The following ADGRF5 variants were observed in gnomAD, a reference collection of about 807,000 sequenced individuals.
ADGRF5 encodes the protein adhesion G protein-coupled receptor F5, also known as G-protein coupled receptor 116.
In ADGRF5, 75 loss-of-function variants were observed where a neutral mutation model predicts 132.3. The observed-to-expected ratio is 0.57, with a 90% confidence interval of 0.47 to 0.69. The LOEUF is 0.69. Ranked by LOEUF, ADGRF5 falls within the 30% of genes least tolerant of loss-of-function variation. The pLI is 0.00. For synonymous variants in ADGRF5, 629 were observed against 597.6 expected, an observed-to-expected ratio of 1.05 and a Z score of -0.77; for missense variants, 1,516 against 1,630.6, an observed-to-expected ratio of 0.93 and a Z score of 1.21.
At chr6:46,948,817 A>T (rs1778393278) in intron 1 of ADGRF5, among the ~76,000 whole-genome samples, 1 of 152,148 alleles carries the variant, frequency 6.6e-6, no homozygotes, top group African/African-American at 2.4e-5. Flanking sequence ...AGCCCTCAAG[A>T]CCACATTGAT....
At chr6:46,943,556 C>G in intron 1 of ADGRF5, among the ~76,000 whole-genome samples, 1 of 152,134 alleles carries the variant, frequency 6.6e-6, no homozygotes, top group Non-Finnish European at 1.5e-5. Flanking sequence ...ATCACAGGGT[C>G]TCTGCTGAGT....
chr6:46,916,175 C>T (rs1776400227), intron 1 of ADGRF5, among the ~76,000 whole-genome samples: 2 of 152,226 alleles, frequency 1.3e-5, no homozygotes, highest in South Asian at 4.1e-4. Context: ...CAGCCTCTGA[C>T]CTTTATGGCA....
At chr6:46,870,763 C>T in intron 11 of ADGRF5, 1 of 400,740 alleles carries the variant, frequency 2.5e-6, no homozygotes, top group Non-Finnish European at 5.0e-6. Context: ...AGACAGGTCC[C>T]AGTTTTGTGG....
In ADGRF5 at chr6:46,885,328, C is replaced by T. The variant is rs1772954766; in HGVS notation, c.329-1057G>A. Among the ~76,000 whole-genome samples the T allele has an allele frequency of 2.0e-5, 3 of 152,126 alleles. 1 individual carries two copies. The South Asian group carries it at 6.2e-4, about 32-fold the overall frequency. ...AGATTATTTATAAACTTACAAGAGA[C>T]CCTGAGCCAGAACCACCCAGCTAAG... On this transcript the variant is annotated intron_variant, in intron 4 of 20. Transcript: ENST00000283296.
At chr6:46,927,019 C>T (rs1286149583) in intron 1 of ADGRF5, among the ~76,000 whole-genome samples, 1 of 152,114 alleles carries the variant, frequency 6.6e-6, no homozygotes, top group Non-Finnish European at 1.5e-5. Flanking sequence ...CTGCAAACAT[C>T]AGGCAGAATC....
At chr6:46,899,760 G>C (rs1774557936) in intron 3 of ADGRF5, among the ~76,000 whole-genome samples, 1 of 151,900 alleles carries the variant, frequency 6.6e-6, no homozygotes, top group Non-Finnish European at 1.5e-5. Flanking sequence ...GGGCAGCTGA[G>C]GAGGGAGCCA....
chr6:46,893,906 T>C (rs1449069671), intron 3 of ADGRF5, among the ~76,000 whole-genome samples: 1 of 152,182 alleles, frequency 6.6e-6, no homozygotes, highest in Non-Finnish European at 1.5e-5. Context: ...GGGACATTTC[T>C]GGAAAGTTGG....
intron 11 of ADGRF5, among the ~76,000 whole-genome samples, chr6:46,871,034 T>C (rs553688183): frequency 1.1e-4 from 16 of 151,044 alleles, no homozygotes; most frequent in Non-Finnish European, 2.2e-4. Flanking sequence ...TACGCCCACA[T>C]AAACATAATC....
intron 14 of ADGRF5, among the ~76,000 whole-genome samples, chr6:46,863,601 C>G (rs1053769020): frequency 6.6e-6 from 1 of 152,100 alleles, no homozygotes; most frequent in Non-Finnish European, 1.5e-5. Flanking sequence ...TTCTGGTTTC[C>G]CTTAGAGGTG....
intron 2 of ADGRF5, among the ~76,000 whole-genome samples, chr6:46,901,785 G>T (rs1367031957): frequency 6.6e-6 from 1 of 152,076 alleles, no homozygotes; most frequent in Non-Finnish European, 1.5e-5. Flanking sequence ...TTCTCTCGGT[G>T]TCTGTATAAC....
intron 10 of ADGRF5, among the ~76,000 whole-genome samples, chr6:46,877,288 T>C (rs1399528174): frequency 7.9e-4 from 38 of 48,032 alleles, no homozygotes; most frequent in Middle Eastern, 0.01. Flanking sequence ...TCTTTCTTTC[T>C]TTCTCTCTCT....
Position 46,919,645 on chromosome 6 carries a change from G to T in ADGRF5, c.-25+2068C>A, listed in dbSNP as rs75399140. On this transcript the variant is annotated intron_variant, in intron 1 of 20. Transcript: ENST00000283296. ...AGTGTTAGTCTACAGGGCCTCAGTG[G>T]AGGTCTCTCATGTGGCTAACACTGT... is the stretch of plus-strand genomic sequence containing the variant. 3.5e-4 allele frequency among the ~76,000 whole-genome samples: 54 copies of T among 152,254 alleles called. No homozygotes were observed. In the East Asian group the frequency reaches 0.01, roughly 29 times the overall value.
intron 1 of ADGRF5, among the ~76,000 whole-genome samples, chr6:46,912,329 A>G (rs1562230315): frequency 6.6e-6 from 1 of 152,154 alleles, no homozygotes; most frequent in Non-Finnish European, 1.5e-5. Flanking sequence ...GAGTTAGCTA[A>G]AAACAACAGG....
At chr6:46,896,084 C>A (rs1293858412) in intron 3 of ADGRF5, among the ~76,000 whole-genome samples, 3 of 152,182 alleles carry the variant, frequency 2.0e-5, no homozygotes, top group Non-Finnish European at 4.4e-5. Flanking sequence ...GGCAGAGTCG[C>A]ATGTCTAGAC....
At chr6:46,865,735 C>G (rs1291111807) in intron 13 of ADGRF5, among the ~76,000 whole-genome samples, 1 of 152,226 alleles carries the variant, frequency 6.6e-6, no homozygotes, top group Non-Finnish European at 1.5e-5. Flanking sequence ...TGCCATGCAG[C>G]CTTCTTTAAA....
chr6:46,939,506 A>G (rs916404488), intron 1 of ADGRF5, among the ~76,000 whole-genome samples: 3 of 152,214 alleles, frequency 2.0e-5, no homozygotes, highest in African/African-American at 7.2e-5. Flanking sequence ...GAGAAAGAGT[A>G]ACTTAATTAA....
Position 46,858,281 on chromosome 6 carries a change from T to G in ADGRF5, c.3622A>C (p.Lys1208Gln), listed in dbSNP as rs1769289036. The G allele has an allele frequency of 1.2e-6, 2 of 1,614,048 alleles. No homozygotes were observed. The highest frequency in any genetic ancestry group is 1.3e-5 in the African/African-American group (1 of 74,994). The change falls in exon 17 of 21, where the codon AAG (lysine) becomes CAG (glutamine). Residue 1208 changes from lysine to glutamine, a missense_variant. Lys to Gln is a moderately conservative substitution (Grantham distance 53). Around this residue, in one of 2 missense-constraint regions of ADGRF5, gnomAD observed 571 missense variants for 701.2 expected, o/e 0.81. Transcript: ENST00000283296. ...TGAAACAGGCTGCTCTTCTCCTGCT[T>G]GCATGGCTTGTCTCCAATGGAAGGC... ...LRPSIGDKPC[K>Q]QEKSSLFQIS...
intron 3 of ADGRF5, among the ~76,000 whole-genome samples, chr6:46,891,044 A>T (rs942845321): frequency 2.0e-5 from 3 of 152,358 alleles, no homozygotes; most frequent in African/African-American, 7.2e-5. Context: ...GAATTATTTC[A>T]TCCTGGCATC....
At chr6:46,894,407 GT>G (rs1320143281) in intron 3 of ADGRF5, among the ~76,000 whole-genome samples, 1 of 141,148 alleles carries the variant, frequency 7.1e-6, no homozygotes, top group Non-Finnish European at 1.6e-5. Flanking sequence ...GGGCAGCACT[GT>G]GTCATCAAAC....
Sources: allele counts gnomAD v4.1 joint callset (sites outside exome capture counted in the v4.1 genomes callset), GRCh38; gene constraint gnomAD v4.1.1; regional missense constraint gnomAD v4.1.1; transcripts MANE v1.5; gene names NCBI Gene and HGNC (gene_info 2026-07-23, HGNC 2026-07-21).